The following TACC3 variants were observed in gnomAD, a reference collection of about 807,000 sequenced individuals.
The protein encoded by TACC3 is transforming acidic coiled-coil-containing protein 3.
In TACC3, 52 loss-of-function variants were observed where a neutral mutation model predicts 86.0. The observed-to-expected ratio is 0.60, with a 90% CI of 0.48 to 0.76. TACC3 has a LOEUF of 0.76. Among genes scored for constraint, TACC3 ranks in the 30% least tolerant of loss-of-function variants. The probability of loss-of-function intolerance (pLI) is 0.00; values close to 1 mark genes in which losing one functional copy is unlikely to be tolerated. For synonymous variants in TACC3, 512 were observed against 430.0 expected, an observed-to-expected ratio of 1.19 and a Z score of -2.36; for missense variants, 1,120 against 1,070.4, an observed-to-expected ratio of 1.05 and a Z score of -0.65.
rs137963495 is a variant in TACC3, at chr4:1,737,240, G to A, written c.1749-1G>A. On this transcript the variant is annotated splice_acceptor_variant, in intron 8 of 15. Coordinates refer to ENST00000313288, the MANE Select transcript of TACC3 (RefSeq NM_006342.3). LOFTEE classifies it high-confidence loss of function. ...CTGAGGCTGCCTCTGCTTGGTGGCA[G>A]CATGCACGGTGCAAATGAGACTCCC... 6.2e-7 allele frequency: 1 copy of A among 1,613,758 alleles called. No individual in the cohort carries two copies. Among genetic ancestry groups the A allele is most frequent in the African/African-American group, 1.3e-5 (1 of 74,924 alleles).
At chr4:1,738,723 T>G (rs868769886) in intron 10 of TACC3, among the ~76,000 whole-genome samples, 1 of 152,242 alleles carries the variant, frequency 6.6e-6, no homozygotes, top group Non-Finnish European at 1.5e-5. Flanking sequence ...TACTGCTGTG[T>G]TGTTCCCCTG....
rs750678142 is a variant in TACC3 at position 1,728,615 on chromosome 4, C to A, written c.1213C>A (p.Leu405Ile). Residue 405 changes from leucine to isoleucine, a missense_variant, in exon 4 of 16, where the codon CTC (leucine) becomes ATC (isoleucine). Transcript: ENST00000313288. ...PMPASRGSYHLDWDKMDDPNF... is the reference protein window; with the variant it reads ...PMPASRGSYHIDWDKMDDPNF... ...GCCAGCTTCTCGGGGCTCTTACCAC[C>A]TCGACTGGGACAAAATGGATGACCC... 1.2e-6 allele frequency: 2 copies of A among 1,613,962 alleles called. No homozygotes were observed. The highest frequency in any genetic ancestry group is 1.7e-6 in the Non-Finnish European group (2 of 1,180,010).
intron 10 of TACC3, chr4:1,737,906 C>A: frequency 1.5e-6 from 1 of 679,226 alleles, no homozygotes; most frequent in Non-Finnish European, 2.7e-6. Flanking sequence ...ACCCAGTGTC[C>A]CCGCAGTCAG....
At chr4:1,724,229 C>T (rs957019572) in intron 3 of TACC3, among the ~76,000 whole-genome samples, 1 of 151,610 alleles carries the variant, frequency 6.6e-6, no homozygotes, top group African/African-American at 2.4e-5. Flanking sequence ...GCCTTGGCCT[C>T]ACAAAGTGCT....
chr4:1,727,364 A>C (rs762561147), intron 3 of TACC3, among the ~76,000 whole-genome samples: 1 of 152,118 alleles, frequency 6.6e-6, no homozygotes, highest in Non-Finnish European at 1.5e-5. Context: ...CTGCTGGAGG[A>C]GTCTGGGTCC....
At chr4:1,721,100 C>G (rs1223424180), upstream of TACC3, 3 of 268,380 alleles carry the variant, frequency 1.1e-5, no homozygotes, top group Non-Finnish European at 2.0e-5. Flanking sequence ...CATGGAGTCC[C>G]GCCGCTCGGC....
intron 6 of TACC3, among the ~76,000 whole-genome samples, chr4:1,732,299 C>G (rs1443119910): frequency 7.2e-6 from 1 of 138,360 alleles, no homozygotes. Context: ...TAAATAAATA[C>G]GGTTTGTCCG....
In TACC3 at chr4:1,744,984, G is replaced by A. The variant is rs200227319; in HGVS notation, c.2488G>A (p.Asp830Asn). Residue 830 changes from aspartate to asparagine, a missense_variant, in exon 16 of 16, where the codon GAC becomes AAC. Transcript: ENST00000313288. ...ENEELTRICD[D>N]LISKMEKI is the part of the protein sequence containing the mutation. ...CGAGGAGCTGACCAGGATCTGCGAC[G>A]ACCTCATCTCCAAGATGGAGAAGAT... The A allele has an allele frequency of 5.1e-5, 82 of 1,610,728 alleles. No individual in the cohort carries two copies. The highest frequency in any genetic ancestry group is 6.7e-5 in the Admixed American group (4 of 59,708).
rs1283982954 is a variant in TACC3 at position 1,731,025 on chromosome 4, G to T, written c.1461+63G>T. On this transcript the variant is annotated intron_variant, in intron 5 of 15. Transcript: ENST00000313288. ...TGGTCGTGTAGAAGAGTAGCAGGCA[G>T]TGGAAGCCCCCAGCAGCCTTGGGTG... is the stretch of plus-strand genomic sequence containing the variant. 3.1e-6 allele frequency: 5 copies of T among 1,603,954 alleles called. No individual in the cohort carries two copies. The African/African-American group carries it at 4.0e-5, about 13-fold the overall frequency.
chr4:1,740,804 CG>C (rs750571854), intron 12 of TACC3, 21 bp from the exon 13 acceptor site: 1 of 1,599,836 alleles, frequency 6.3e-7, no homozygotes, highest in African/African-American at 1.4e-5. Context: ...TCATCCTGAA[CG>C]TTTGCTTTTC....
At chr4:1,728,949 C>A (rs547772143) in intron 4 of TACC3, among the ~76,000 whole-genome samples, 162 bp downstream of exon 4, 2 of 152,302 alleles carry the variant, frequency 1.3e-5, no homozygotes, top group East Asian at 3.9e-4. Context: ...CAGGTGGCTC[C>A]CAGCTGAGGG....
At chr4:1,725,383 C>T (rs1298822034) in intron 3 of TACC3, among the ~76,000 whole-genome samples, 1 of 152,220 alleles carries the variant, frequency 6.6e-6, no homozygotes, top group Non-Finnish European at 1.5e-5. Context: ...TCCGTCTCCC[C>T]TCTACCCCTC....
rs773983833 is a variant in TACC3 at position 1,744,619 on chromosome 4, G to A, written c.2325G>A (p.Leu775=). The change falls in exon 14 of 16, where the codon CTG becomes CTA. Residue 775 remains leucine (L), a synonymous_variant. Coordinates refer to ENST00000313288, the MANE Select transcript of TACC3 (RefSeq NM_006342.3). ...TGAAGGCCCACGCGGAGGAGAAGCTGCAGCTGTGAGTGCTGGGCGAGGCCC... is the reference window on the plus strand; with the variant it reads ...TGAAGGCCCACGCGGAGGAGAAGCTACAGCTGTGAGTGCTGGGCGAGGCCC... ...QALKAHAEEK[L]QLANEEIAQV... is the part of the protein sequence containing the mutation. The A allele has an allele frequency of 4.3e-6, 7 of 1,612,922 alleles. No individual in the cohort carries two copies. The Admixed American group carries it at 1.2e-4, about 27-fold the overall frequency.
At chr4:1,740,028 CG>C in intron 12 of TACC3, 26 bp downstream of exon 12, 1 of 1,612,190 alleles carries the variant, frequency 6.2e-7, no homozygotes, top group South Asian at 1.1e-5. Context: ...ACCGAGGCCA[CG>C]TGCCTCCACG....
upstream of TACC3, chr4:1,720,808 G>A: frequency 6.3e-7 from 1 of 1,594,090 alleles, no homozygotes; most frequent in Non-Finnish European, 8.5e-7. The surrounding 1 kb of genome is among the most constrained non-coding windows in gnomAD (Gnocchi z 4.4). Flanking sequence ...CCAGATAGGC[G>A]AGAGTGAAGG....
At chr4:1,737,367 G>A (rs1466971049) in intron 9 of TACC3, 39 bp downstream of exon 9, 9 of 1,583,164 alleles carry the variant, frequency 5.7e-6, no homozygotes, top group Non-Finnish European at 7.8e-6. Context: ...CTTGTGTGTG[G>A]TCTGAGGGAA....
chr4:1,735,833 A>C lies in TACC3; in HGVS notation c.1747A>C (p.Ser583Arg), dbSNP rs1718231037. ...AGTGCCCGTGGCCACCGAGACCAGCAGGTATGTGCGCCGGCCCTCCCTCAT... is the reference window on the plus strand; with the variant it reads ...AGTGCCCGTGGCCACCGAGACCAGCCGGTATGTGCGCCGGCCCTCCCTCAT... ...RPVPVATETS[S>R]MHGANETPSG... is the part of the protein sequence containing the mutation. Residue 583 changes from serine to arginine, a missense_variant and splice_region_variant, in exon 8 of 16, where the codon AGC becomes CGC. Physicochemically the swap from Ser to Arg is moderately radical, Grantham distance 110. Coordinates refer to ENST00000313288, the MANE Select transcript of TACC3 (RefSeq NM_006342.3). The surrounding 1 kb of genome is among the most constrained non-coding windows in gnomAD (Gnocchi z 4.2). The C allele has an allele frequency of 6.3e-7, 1 of 1,588,026 alleles. No individual in the cohort carries two copies. Among genetic ancestry groups the C allele is most frequent in the African/African-American group, 1.3e-5 (1 of 74,456 alleles).
chr4:1,734,503 T>A (rs1718157533), intron 6 of TACC3, among the ~76,000 whole-genome samples: 1 of 152,164 alleles, frequency 6.6e-6, no homozygotes, highest in African/African-American at 2.4e-5. Context: ...TTAAGAGTTT[T>A]ATAGTTTTAG....
chr4:1,729,940 G>A (rs903877292), intron 4 of TACC3, among the ~76,000 whole-genome samples: 12 of 152,242 alleles, frequency 7.9e-5, no homozygotes, highest in Admixed American at 1.3e-4. Context: ...GGCCCTGTCC[G>A]GGCGTGACAG....
Sources: allele counts gnomAD v4.1 joint callset (sites outside exome capture counted in the v4.1 genomes callset), GRCh38; gene constraint gnomAD v4.1.1; non-coding constraint Gnocchi (gnomAD v3.1); transcripts MANE v1.5; gene names NCBI Gene and HGNC (gene_info 2026-07-23, HGNC 2026-07-21).